The following DEPDC5 variants were observed in gnomAD, a reference collection of about 807,000 sequenced individuals.
DEPDC5 encodes GATOR1 complex protein DEPDC5.
DEPDC5 carries 73 observed loss-of-function variants against 217.3 expected under a neutral mutation model. The observed-to-expected ratio is 0.34, with a 90% CI of 0.28 to 0.41. DEPDC5 has a LOEUF of 0.41. DEPDC5 is among the 10% of genes least tolerant of loss of function. The pLI, the probability that DEPDC5 is intolerant of heterozygous loss-of-function variation, is 1.00. For missense variants in DEPDC5, 1,675 were observed against 2,070.1 expected (o/e 0.81, Z 3.70); for synonymous variants, 733 against 756.7 (o/e 0.97, Z 0.51).
intron 24 of DEPDC5, among the ~76,000 whole-genome samples, chr22:31,828,191 C>T (rs925897733): frequency 7.2e-5 from 11 of 152,202 alleles, no homozygotes; most frequent in Admixed American, 3.9e-4. Flanking sequence ...TGGCTCACGC[C>T]TGTAATCCCA....
intron 8 of DEPDC5, among the ~76,000 whole-genome samples, chr22:31,779,073 C>A (rs2148339763): frequency 6.6e-6 from 1 of 152,244 alleles, no homozygotes; most frequent in Non-Finnish European, 1.5e-5. Flanking sequence ...CTGGCCTCTA[C>A]TCACTAGATG....
chr22:31,898,749 AT>A (rs1044947432), intron 40 of DEPDC5, among the ~76,000 whole-genome samples: 24 of 152,178 alleles, frequency 1.6e-4, no homozygotes, highest in African/African-American at 5.3e-4. Context: ...AGTTTGGAAG[AT>A]TTTTTTTATA....
chr22:31,778,027 C>T (rs1050991587), intron 7 of DEPDC5, 72 bp from the exon 8 acceptor site: 10 of 1,534,756 alleles, frequency 6.5e-6, no homozygotes, highest in Middle Eastern at 1.7e-4. Flanking sequence ...GGATTACAGG[C>T]GTGAGCTATT....
chr22:31,815,827 A>G, intron 21 of DEPDC5: 1 of 1,193,834 alleles, frequency 8.4e-7, no homozygotes, highest in East Asian at 4.0e-5. Flanking sequence ...ATGTTACCGC[A>G]CCCTGCCTCT....
At chr22:31,870,958 C>A (rs1274322686) in intron 34 of DEPDC5, among the ~76,000 whole-genome samples, 2 of 152,242 alleles carry the variant, frequency 1.3e-5, no homozygotes, top group South Asian at 4.1e-4. Flanking sequence ...GAGGTTCCCA[C>A]AGAGATGTAG....
intron 19 of DEPDC5, among the ~76,000 whole-genome samples, chr22:31,809,956 T>C (rs1439277209): frequency 6.6e-6 from 1 of 152,148 alleles, no homozygotes; most frequent in Non-Finnish European, 1.5e-5. Context: ...CACTCCAGGC[T>C]GGGTGACAGA....
chr22:31,850,549 C>A (rs1007975977), intron 31 of DEPDC5, among the ~76,000 whole-genome samples: 1 of 152,188 alleles, frequency 6.6e-6, no homozygotes, highest in East Asian at 1.9e-4. Context: ...GGGCTTGGTA[C>A]TATCCTAGGT....
At chr22:31,796,117 T>C (rs1010888879) in intron 12 of DEPDC5, among the ~76,000 whole-genome samples, 3 of 146,048 alleles carry the variant, frequency 2.1e-5, no homozygotes, top group Non-Finnish European at 4.6e-5. Flanking sequence ...TTTTTTTTTT[T>C]TGAGGCGAAG....
At position 31,870,702 on chromosome 22, in the gene DEPDC5, T is replaced by C; in HGVS notation, c.3443T>C (p.Ile1148Thr). 1 of 1,600,372 alleles carries C rather than the reference T, an allele frequency of 6.2e-7. No homozygotes were observed. The highest frequency in any genetic ancestry group is 8.5e-7 in the Non-Finnish European group (1 of 1,174,276). Residue 1148 changes from isoleucine to threonine, a missense_variant, in exon 34 of 43, where the codon ATA (isoleucine) becomes ACA (threonine). Physicochemically the swap from Ile to Thr is moderately conservative, Grantham distance 89. Around this residue, in one of 11 missense-constraint regions of DEPDC5, gnomAD observed 9 missense variants for 25.7 expected, o/e 0.35. Transcript: ENST00000651528. ...NSQTFGNSQN[I>T]GEQGYSSTNS... is the part of the protein sequence containing the mutation. ...CAGACCTTTGGGAACTCCCAGAACA[T>C]AGGAGAACAGGGCTACTCCTCCACA... is the stretch of plus-strand genomic sequence containing the variant.
chr22:31,795,065 ATTTTTTTT>A (rs983604458), intron 12 of DEPDC5, among the ~76,000 whole-genome samples: 8 of 107,372 alleles, frequency 7.5e-5, no homozygotes, highest in African/African-American at 2.7e-4. Flanking sequence ...ATTCCATGTG[ATTTTTTTT>A]TTTTTTTTTT....
chr22:31,875,790 T>C (rs1281042092), intron 36 of DEPDC5: 5 of 165,552 alleles, frequency 3.0e-5, no homozygotes, highest in African/African-American at 7.2e-5. Flanking sequence ...TGCACCACCA[T>C]ACCAGCTAAT....
intron 8 of DEPDC5, among the ~76,000 whole-genome samples, chr22:31,779,348 A>G (rs917563731): frequency 6.6e-6 from 1 of 152,168 alleles, no homozygotes; most frequent in Admixed American, 6.6e-5. Context: ...GCTCACCATA[A>G]TCGTGCCTTT....
intron 32 of DEPDC5, 95 bp from the exon 33 acceptor site, chr22:31,861,273 C>T: frequency 2.9e-6 from 3 of 1,025,616 alleles, no homozygotes; most frequent in Admixed American, 4.6e-5. Context: ...TTTTTTATAC[C>T]TGTCTCCTTC....
Position 31,874,123 on chromosome 22 carries a change from G to A in DEPDC5, c.3564-150G>A, listed in dbSNP as rs946335421. ...TAACAGTTTCTTTTGTCCTCTCATGGGTGTTTCTCTGAGTCTAGGAATAGC... is the reference window on the plus strand; with the variant it reads ...TAACAGTTTCTTTTGTCCTCTCATGAGTGTTTCTCTGAGTCTAGGAATAGC... On this transcript the variant is annotated intron_variant, in intron 35 of 42. Transcript: ENST00000651528. 7.3e-5 allele frequency: 90 copies of A among 1,233,190 alleles called. No individual in the cohort carries two copies. In the East Asian group the frequency reaches 1.0e-3, roughly 14 times the overall value. 76.4% of individuals were successfully genotyped at this position (1,233,190 alleles called of 1,614,324 possible). A position where few individuals can be genotyped will look rare whatever the true frequency, so the allele number is the denominator to read the frequency against.
chr22:31,816,398 TTTTG>T (rs1326189360), intron 21 of DEPDC5: 1 of 152,038 alleles, frequency 6.6e-6, no homozygotes, highest in Non-Finnish European at 1.5e-5. Context: ...TACTATCAGT[TTTTG>T]TTTCTTCAGT....
chr22:31,809,456 T>C (rs1219167362), intron 18 of DEPDC5, among the ~76,000 whole-genome samples, 155 bp from the exon 19 acceptor site: 1 of 152,190 alleles, frequency 6.6e-6, no homozygotes, highest in East Asian at 1.9e-4. Context: ...GATACGGGAA[T>C]AAAGGACCGT....
At chr22:31,774,266 A>G (rs1458544460) in intron 7 of DEPDC5, among the ~76,000 whole-genome samples, 1 of 146,392 alleles carries the variant, frequency 6.8e-6, no homozygotes, top group African/African-American at 2.5e-5. Context: ...CAGTGGCGTG[A>G]TCTTGGCTCT....
intron 11 of DEPDC5, 56 bp from the exon 12 acceptor site, chr22:31,792,689 C>CA: frequency 4.7e-6 from 6 of 1,278,316 alleles, no homozygotes; most frequent in Non-Finnish European, 5.3e-6. Flanking sequence ...AGGAAGCTGA[C>CA]AAAACTGAAT....
intron 41 of DEPDC5, among the ~76,000 whole-genome samples, chr22:31,902,108 A>T (rs1255348554): frequency 2.6e-5 from 4 of 152,188 alleles, no homozygotes; most frequent in Non-Finnish European, 4.4e-5. Flanking sequence ...GAAATAATAT[A>T]AAATGAAAAA....
Sources: gnomAD v4.1 joint callset for allele counts (sites outside exome capture counted in the v4.1 genomes callset) on GRCh38, gnomAD v4.1.1 for gene constraint, gnomAD v4.1.1 regional missense constraint, MANE v1.5 for transcripts, NCBI Gene and HGNC (gene_info 2026-07-23, HGNC 2026-07-21) for gene names.